RYR2: variants seen among roughly 807,000 people sequenced by gnomAD.
RYR2 encodes the protein cardiac muscle ryanodine receptor-calcium release channel.
Under a neutral mutation model 601.1 loss-of-function variants are expected in RYR2, and 227 were observed. The ratio of observed to expected loss-of-function variants is 0.38; its 90% CI spans 0.34 to 0.42. The LOEUF is 0.42. RYR2 is among the 10% of genes least tolerant of loss of function. The probability of loss-of-function intolerance (pLI) is 1.00; values close to 1 mark genes in which losing one functional copy is unlikely to be tolerated. For synonymous variants in RYR2, 2,223 were observed against 2,175.1 expected, an observed-to-expected ratio of 1.02 and a Z score of -0.61; for missense variants, 4,646 against 6,156.5, an observed-to-expected ratio of 0.75 and a Z score of 8.21.
At position 237,387,288 on chromosome 1, in the gene RYR2, C is replaced by CA. The variant is rs1469234498; in HGVS notation, c.584_585insA (p.Tyr196LeufsTer27). 1 of 1,613,840 alleles carries CA rather than the reference C, an allele frequency of 6.2e-7. No homozygotes were observed. Among genetic ancestry groups the CA allele is most frequent in the Non-Finnish European group, 8.5e-7 (1 of 1,179,866 alleles). On this transcript the variant is annotated frameshift_variant, in exon 9 of 105. Coordinates refer to ENST00000366574, the MANE Select transcript of RYR2 (RefSeq NM_001035.3). LOFTEE classifies it high-confidence loss of function. ...TTTTGCCTCTTGATACAGCACTTGT[C>CA]TTATGGCAACGGCAGCTTACACGTG...
intron 2 of RYR2, among the ~76,000 whole-genome samples, chr1:237,277,996 T>C (rs1310819199): frequency 6.6e-6 from 1 of 152,160 alleles, no homozygotes; most frequent in Non-Finnish European, 1.5e-5. Context: ...CCTATATGTG[T>C]GTTACATCAG....
intron 72 of RYR2, 26 bp downstream of exon 72, chr1:237,717,394 T>C (rs1689353961): frequency 1.3e-6 from 2 of 1,552,620 alleles, no homozygotes; most frequent in Non-Finnish European, 1.7e-6. Context: ...ATCCCAGCGG[T>C]AATGATCATC....
intron 8 of RYR2, among the ~76,000 whole-genome samples, chr1:237,380,854 G>C (rs1273958844): frequency 6.6e-6 from 1 of 151,976 alleles, no homozygotes; most frequent in African/African-American, 2.4e-5. Flanking sequence ...GAGGCGGGTG[G>C]ATTACCTGAG....
intron 56 of RYR2, among the ~76,000 whole-genome samples, chr1:237,662,780 A>T (rs940289797): frequency 6.6e-6 from 1 of 152,218 alleles, no homozygotes; most frequent in Non-Finnish European, 1.5e-5. Flanking sequence ...TAAATTTCAT[A>T]TGCGATTTCA....
At chr1:237,239,838 A>G (rs1022725059) in intron 1 of RYR2, among the ~76,000 whole-genome samples, 2 of 152,218 alleles carry the variant, frequency 1.3e-5, no homozygotes, top group Admixed American at 1.3e-4. Flanking sequence ...TAGGTAGTGT[A>G]TAAACCAAGA....
intron 12 of RYR2, among the ~76,000 whole-genome samples, chr1:237,428,370 C>A (rs973204305): frequency 3.9e-5 from 6 of 152,026 alleles, no homozygotes; most frequent in Admixed American, 2.0e-4. Flanking sequence ...CAATGATAGA[C>A]CAGATAAAGA....
At chr1:237,613,933 TA>T in intron 36 of RYR2, 105 bp from the exon 37 acceptor site, 5 of 1,054,722 alleles carry the variant, frequency 4.7e-6, no homozygotes, top group South Asian at 1.7e-5. Flanking sequence ...TCTATTCCCA[TA>T]ACTTTTTTCC....
At chr1:237,642,337 C>G (rs546545565) in intron 47 of RYR2, among the ~76,000 whole-genome samples, 28 of 152,194 alleles carry the variant, frequency 1.8e-4, no homozygotes, top group Non-Finnish European at 3.4e-4. Flanking sequence ...TTTATAAAAA[C>G]TTAAACTTTG....
Position 237,662,055 on chromosome 1 carries a change from T to C in RYR2, c.8436+1108T>C, listed in dbSNP as rs181105761. Among the ~76,000 whole-genome samples, 227 of 152,100 alleles carry C rather than the reference T, an allele frequency of 1.5e-3. 2 individuals carry two copies. The highest frequency in any genetic ancestry group is 2.8e-4 in the Non-Finnish European group (19 of 67,980). ...TTTATTATTGCTATTTACACAAATA[T>C]CATTTTTGAAAAAAAAATGAGGGTC... On this transcript the variant is annotated intron_variant, in intron 56 of 104. Transcript: ENST00000366574.
chr1:237,759,691 T>C lies in RYR2; in HGVS notation c.11326-85T>C, dbSNP rs545864877. On this transcript the variant is annotated intron_variant, in intron 82 of 104. Transcript: ENST00000366574. ...TGAATATTTTCTGTCTATTCTAGAA[T>C]GGAAAGCCTGTTTTGGTTGTTTATT... 363 of 833,816 alleles carry C rather than the reference T, an allele frequency of 4.4e-4. 2 individuals are homozygous for C. Among genetic ancestry groups the C allele is most frequent in the South Asian group, 4.0e-3 (299 of 74,078 alleles). The allele number at this position is 833,816 out of a possible 1,614,324, so 51.7% of individuals were successfully genotyped here. A position where few individuals can be genotyped will look rare whatever the true frequency, so the allele number is the denominator to read the frequency against.
chr1:237,529,148 T>A (rs980855910), intron 24 of RYR2, among the ~76,000 whole-genome samples: 12 of 152,220 alleles, frequency 7.9e-5, no homozygotes, highest in African/African-American at 2.9e-4. Context: ...TGGTAAAATC[T>A]TCCTGTCCTC....
At chr1:237,683,580 A>G (rs1000672982) in intron 62 of RYR2, among the ~76,000 whole-genome samples, 8 of 152,376 alleles carry the variant, frequency 5.3e-5, no homozygotes, top group Middle Eastern at 3.4e-3. Context: ...AGATAACTAC[A>G]TAAATAAAAT....
rs139090703 is a variant in RYR2, at chr1:237,743,737, A to G, written c.11145+1388A>G. ...CTTTTGTGAAAAGGAGGTCTTGAAA[A>G]TCTTTCTACAAGTTTGTAGCTCCAA... On this transcript the variant is annotated intron_variant, in intron 80 of 104. Transcript: ENST00000366574. 123 of 445,246 alleles carry G rather than the reference A, an allele frequency of 2.8e-4. 1 individual carries two copies. The East Asian group carries it at 6.8e-3, about 25-fold the overall frequency. 27.6% of individuals were successfully genotyped at this position (445,246 alleles called of 1,614,324 possible).
intron 10 of RYR2, among the ~76,000 whole-genome samples, chr1:237,404,850 G>A (rs1209293051): frequency 6.6e-6 from 1 of 152,184 alleles, no homozygotes; most frequent in Non-Finnish European, 1.5e-5. Context: ...GACTGTTTAG[G>A]AGACTGTATT....
intron 1 of RYR2, among the ~76,000 whole-genome samples, chr1:237,081,639 CCTCT>C (rs906827923): frequency 2.7e-4 from 41 of 151,848 alleles, no homozygotes; most frequent in African/African-American, 9.9e-4. Flanking sequence ...TCTCTCTCTC[CCTCT>C]CTCTGTCTCT....
At chr1:237,441,645 A>G (rs1466726603) in intron 13 of RYR2, among the ~76,000 whole-genome samples, 162 bp downstream of exon 13, 3 of 152,218 alleles carry the variant, frequency 2.0e-5, no homozygotes, top group Admixed American at 6.5e-5. Context: ...AGCTTTGTAA[A>G]GTGAACAGAG....
chr1:237,681,997 A>T (rs977212354), intron 62 of RYR2, among the ~76,000 whole-genome samples: 1 of 152,204 alleles, frequency 6.6e-6, no homozygotes, highest in African/African-American at 2.4e-5. Context: ...TTACATAAAG[A>T]TAAAATCAGA....
At chr1:237,310,991 A>G (rs953280400) in intron 2 of RYR2, among the ~76,000 whole-genome samples, 5 of 152,240 alleles carry the variant, frequency 3.3e-5, no homozygotes, top group African/African-American at 1.2e-4. Context: ...GTAGGTATCT[A>G]TCCTATATAA....
intron 27 of RYR2, among the ~76,000 whole-genome samples, chr1:237,564,920 T>G (rs1267759338): frequency 6.6e-6 from 1 of 152,222 alleles, no homozygotes; most frequent in Non-Finnish European, 1.5e-5. Context: ...TCATTTTAAA[T>G]TGTTACATAT....
Sources: allele counts gnomAD v4.1 joint callset (sites outside exome capture counted in the v4.1 genomes callset), GRCh38; gene constraint gnomAD v4.1.1; transcripts MANE v1.5; gene names NCBI Gene and HGNC (gene_info 2026-07-23, HGNC 2026-07-21).